TMEM132C: variants seen among roughly 807,000 people sequenced by gnomAD.
TMEM132C encodes transmembrane protein 132C.
Under a neutral mutation model 61.4 loss-of-function variants are expected in TMEM132C, and 29 were observed. That is an observed-to-expected ratio of 0.47 (90% CI 0.35 to 0.64). TMEM132C has a LOEUF of 0.64. Ranked by LOEUF, TMEM132C falls within the 30% of genes least tolerant of loss-of-function variation. The pLI, the probability that TMEM132C is intolerant of heterozygous loss-of-function variation, is 0.00. For synonymous variants in TMEM132C, 656 were observed against 633.1 expected (o/e 1.04, Z -0.54); for missense variants, 1,408 against 1,476.9 (o/e 0.95, Z 0.76).
Position 128,415,605 on chromosome 12 carries a change from A to T in TMEM132C, c.959A>T (p.Asp320Val). ...ACCATCTCGAGCAATTCCTCTGTGGACCTCTTCATCTTGAGGTAGGTGCCC... is the reference window on the plus strand; with the variant it reads ...ACCATCTCGAGCAATTCCTCTGTGGTCCTCTTCATCTTGAGGTAGGTGCCC... ...YVTISSNSSV[D>V]LFILRAKVKK... The change falls in exon 2 of 9, where the codon GAC (aspartate) becomes GTC (valine). Residue 320 changes from aspartate to valine, a missense_variant. Transcript: ENST00000435159. The surrounding 1 kb of genome is among the most constrained non-coding windows in gnomAD (Gnocchi z 5.8). 6.5e-7 allele frequency: 1 copy of T among 1,531,964 alleles called. No homozygotes were observed. The highest frequency in any genetic ancestry group is 2.5e-5 in the East Asian group (1 of 40,536). The allele number at this position is 1,531,964 out of a possible 1,614,324, so 94.9% of individuals were successfully genotyped here.
intron 1 of TMEM132C, among the ~76,000 whole-genome samples, chr12:128,328,393 C>T (rs1318903547): frequency 6.6e-6 from 1 of 152,100 alleles, no homozygotes; most frequent in Non-Finnish European, 1.5e-5. Flanking sequence ...CTAACACTGA[C>T]CCCCCGGCTT....
At chr12:128,611,933 G>T (rs536299733) in intron 3 of TMEM132C, among the ~76,000 whole-genome samples, 1 of 152,250 alleles carries the variant, frequency 6.6e-6, no homozygotes, top group Admixed American at 6.5e-5. Flanking sequence ...CTCCACGAAA[G>T]GGTCAAGTTT....
intron 3 of TMEM132C, among the ~76,000 whole-genome samples, chr12:128,607,147 A>C (rs1876453961): frequency 6.6e-6 from 1 of 152,168 alleles, no homozygotes; most frequent in Non-Finnish European, 1.5e-5. Context: ...AAGCCTCCGG[A>C]TGTGTGACCA....
intron 2 of TMEM132C, among the ~76,000 whole-genome samples, chr12:128,498,384 AC>A (rs1037948323): frequency 3.2e-4 from 48 of 150,418 alleles, no homozygotes; most frequent in African/African-American, 1.0e-3. Context: ...ATAAAAAAAA[AC>A]CTTAAGAAGG....
At chr12:128,384,514 G>C (rs1295929511) in intron 1 of TMEM132C, among the ~76,000 whole-genome samples, 1 of 152,190 alleles carries the variant, frequency 6.6e-6, no homozygotes, top group African/African-American at 2.4e-5. Flanking sequence ...AAAGTTTCCA[G>C]GATTCAAAGC....
chr12:128,505,591 C>T (rs192732744), intron 2 of TMEM132C, among the ~76,000 whole-genome samples: 5 of 152,106 alleles, frequency 3.3e-5, no homozygotes, highest in Admixed American at 6.5e-5. Flanking sequence ...GTAAAAATAG[C>T]GTGATATGTA....
chr12:128,316,686 C>T (rs1174337950), intron 1 of TMEM132C, among the ~76,000 whole-genome samples: 1 of 152,112 alleles, frequency 6.6e-6, no homozygotes, highest in Non-Finnish European at 1.5e-5. Flanking sequence ...CTGTCTCTGT[C>T]CCATTATTTT....
At chr12:128,569,026 G>A (rs1382965263) in intron 3 of TMEM132C, among the ~76,000 whole-genome samples, 3 of 152,316 alleles carry the variant, frequency 2.0e-5, no homozygotes, top group South Asian at 2.1e-4. Context: ...AGAGAGGAGA[G>A]GACACAGGTA....
chr12:128,632,681 G>A (rs556226579), intron 4 of TMEM132C, among the ~76,000 whole-genome samples: 41 of 152,318 alleles, frequency 2.7e-4, no homozygotes, highest in African/African-American at 9.6e-4. Flanking sequence ...CCTTTTCTTT[G>A]CACCTCGACC....
At chr12:128,557,290 C>T (rs975808653) in intron 3 of TMEM132C, among the ~76,000 whole-genome samples, 47 of 152,226 alleles carry the variant, frequency 3.1e-4, no homozygotes, top group Admixed American at 1.6e-3. Flanking sequence ...TCTTCATTCC[C>T]ATCATAGTCT....
chr12:128,665,640 CACA>C (rs1954454594), intron 4 of TMEM132C, among the ~76,000 whole-genome samples: 9 of 150,350 alleles, frequency 6.0e-5, no homozygotes, highest in African/African-American at 2.2e-4. Flanking sequence ...CACACACACA[CACA>C]CCCAGGCACA....
Position 128,415,571 on chromosome 12 carries a change from G to T in TMEM132C, c.925G>T (p.Ala309Ser), listed in dbSNP as rs888460512. The T allele has an allele frequency of 3.9e-6, 6 of 1,549,656 alleles. No individual in the cohort carries two copies. The African/African-American group carries it at 6.8e-5, about 18-fold the overall frequency. ...AGTCAAGCAGGGAGAGGTGGTCACG[G>T]CCTATGTCACCATCTCGAGCAATTC... ...RPVKQGEVVT[A>S]YVTISSNSSV... The change falls in exon 2 of 9, where the codon GCC becomes TCC. Residue 309 changes from alanine to serine, a missense_variant. Ala to Ser is a moderately conservative substitution (Grantham distance 99). Transcript: ENST00000435159. This position sits in a 1 kb window ranked among gnomAD's most constrained non-coding sequence, Gnocchi z 5.8.
At chr12:128,283,297 C>T (rs1870954494) in intron 1 of TMEM132C, among the ~76,000 whole-genome samples, 1 of 152,142 alleles carries the variant, frequency 6.6e-6, no homozygotes, top group Non-Finnish European at 1.5e-5. Flanking sequence ...ATGTAAGATC[C>T]TCAAGGCTCA....
At chr12:128,552,921 CAAAAA>C (rs376996076) in intron 3 of TMEM132C, among the ~76,000 whole-genome samples, 1 of 147,614 alleles carries the variant, frequency 6.8e-6, no homozygotes, top group African/African-American at 2.6e-5. Context: ...AACAAACAAA[CAAAAA>C]AAAAGCATAA....
intron 3 of TMEM132C, among the ~76,000 whole-genome samples, chr12:128,603,858 A>G (rs910295655): frequency 1.2e-4 from 18 of 152,168 alleles, no homozygotes; most frequent in Admixed American, 6.5e-5. Context: ...GCCCTGAGAA[A>G]CAAAGCTAGA....
At chr12:128,372,930 T>C (rs1300612404) in intron 1 of TMEM132C, among the ~76,000 whole-genome samples, 1 of 152,186 alleles carries the variant, frequency 6.6e-6, no homozygotes, top group Non-Finnish European at 1.5e-5. Flanking sequence ...TAGCAGCAAT[T>C]TTATAGGGGC....
Position 128,347,397 on chromosome 12 carries a change from G to GTCTCTC in TMEM132C, c.86-67298_86-67293dup, listed in dbSNP as rs55729184. Among the ~76,000 whole-genome samples the GTCTCTC allele has an allele frequency of 2.0e-3, 272 of 135,504 alleles. 1 individual carries two copies. The highest frequency in any genetic ancestry group is 7.4e-3 in the Middle Eastern group (2 of 270). 88.9% of individuals were successfully genotyped at this position (135,504 alleles called of 152,430 possible). Reference sequence around the variant, plus strand: ...TGCTGCCATAAGCATGCATATGTATGTCTCTCTCTCTCTCTCTCTCTCTCT... The same window carrying GTCTCTC: ...TGCTGCCATAAGCATGCATATGTATGTCTCTCTCTCTCTCTCTCTCTCTCTCTCTCT... On this transcript the variant is annotated intron_variant, in intron 1 of 8. Transcript: ENST00000435159.
rs201870765 is a variant in TMEM132C, at chr12:128,675,739, GAGAT to G, written c.1449+6189_1449+6192del. On this transcript the variant is annotated intron_variant, in intron 5 of 8. Coordinates refer to ENST00000435159, the MANE Select transcript of TMEM132C (RefSeq NM_001136103.3). ...GGGTGGGTGGACAGATGGAGGAAGG[GAGAT>G]AGATAGATAAGATAGGTGATTAATA... Among the ~76,000 whole-genome samples, 504 of 152,170 alleles carry G rather than the reference GAGAT, an allele frequency of 3.3e-3. 4 individuals are homozygous for G. Among genetic ancestry groups the G allele is most frequent in the African/African-American group, 0.011 (451 of 41,518 alleles).
chr12:128,459,305 C>A (rs1482681591), intron 2 of TMEM132C, among the ~76,000 whole-genome samples: 4 of 152,200 alleles, frequency 2.6e-5, no homozygotes, highest in Non-Finnish European at 2.9e-5. Context: ...TTCTGCACTG[C>A]TGGCCATATG....
Sources: gnomAD v4.1 joint callset for allele counts (sites outside exome capture counted in the v4.1 genomes callset) on GRCh38, gnomAD v4.1.1 for gene constraint, Gnocchi (gnomAD v3.1) non-coding constraint, MANE v1.5 for transcripts, NCBI Gene and HGNC (gene_info 2026-07-23, HGNC 2026-07-21) for gene names.